The following POM121C variants were observed in gnomAD, a reference collection of about 807,000 sequenced individuals.
POM121C encodes POM121 transmembrane nucleoporin C, also known as nuclear envelope pore membrane protein POM 121C.
POM121C carries 20 observed loss-of-function variants against 66.4 expected under a neutral mutation model. The ratio of observed to expected loss-of-function variants is 0.30; its 90% CI spans 0.21 to 0.44. The LOEUF is 0.44. POM121C is among the 20% of genes least tolerant of loss of function. The pLI is 1.00. For synonymous variants in POM121C, 286 were observed against 528.0 expected (o/e 0.54, Z 6.28); for missense variants, 580 against 1,225.7 (o/e 0.47, Z 7.87).
At chr7:75,446,737 C>T (rs1265227396) in intron 3 of POM121C, among the ~76,000 whole-genome samples, 4 of 151,530 alleles carry the variant, frequency 2.6e-5, no homozygotes, top group East Asian at 3.9e-4. Context: ...TGGCTGGGCG[C>T]GGTGGCTCAC....
intron 3 of POM121C, chr7:75,442,040 ATTCCCTTCGGATT>A: frequency 2.6e-6 from 3 of 1,163,864 alleles, no homozygotes; most frequent in Non-Finnish European, 3.4e-6. Context: ...ACCACACACA[ATTCCCTTCGGATT>A]TGATGAAAAT....
chr7:75,421,336 C>T, intron 13 of POM121C, 173 bp downstream of exon 13: 3 of 1,458,818 alleles, frequency 2.1e-6, no homozygotes, highest in Non-Finnish European at 2.7e-6. Flanking sequence ...ACAATGGCTC[C>T]TCCAGTCATT....
rs1464270374 is a variant in POM121C, at chr7:75,485,716, G to C, written c.-458+148C>G. 6 of 365,418 alleles carry C rather than the reference G, an allele frequency of 1.6e-5. No individual in the cohort carries two copies. The East Asian group carries it at 2.5e-4, about 15-fold the overall frequency. 22.6% of individuals were successfully genotyped at this position (365,418 alleles called of 1,614,324 possible). A position where few individuals can be genotyped will look rare whatever the true frequency, so the allele number is the denominator to read the frequency against. ...AGATCTTCCCATGCAGCACCTGTTC[G>C]GTGCAGCCGGACCCTGCCCTCAAAC... On this transcript the variant is annotated intron_variant, in intron 1 of 14. Coordinates refer to ENST00000615331, the MANE Select transcript of POM121C (RefSeq NM_001099415.3).
chr7:75,438,928 A>G (rs782416640), intron 6 of POM121C, among the ~76,000 whole-genome samples: 8 of 152,380 alleles, frequency 5.3e-5, no homozygotes, highest in Non-Finnish European at 1.0e-4. Context: ...CTCTAGTCTC[A>G]GCATATTTCA....
At chr7:75,439,083 C>T in intron 6 of POM121C, 61 bp downstream of exon 6, 2 of 1,569,886 alleles carry the variant, frequency 1.3e-6, no homozygotes, top group East Asian at 2.2e-5. Context: ...TATAGGGCAA[C>T]AGCTCTGATC....
chr7:75,476,982 G>A (rs1792105441), intron 1 of POM121C, among the ~76,000 whole-genome samples: 1 of 151,532 alleles, frequency 6.6e-6, no homozygotes, highest in African/African-American at 2.4e-5. Context: ...AGAAACTGAT[G>A]GATACTTCAT....
intron 3 of POM121C, among the ~76,000 whole-genome samples, chr7:75,448,394 G>C (rs1410410511): frequency 6.6e-6 from 1 of 150,382 alleles, no homozygotes; most frequent in African/African-American, 2.5e-5. Flanking sequence ...ATATTTATAT[G>C]TGCCTGTTTT....
rs587746604 is a variant in POM121C, at chr7:75,485,931, G to A, written c.-525C>T. On this transcript the variant is annotated 5_prime_UTR_variant, in exon 1 of 15. Coordinates refer to ENST00000615331, the MANE Select transcript of POM121C (RefSeq NM_001099415.3). ...GCCGGGGCGGGCTGCTGTCGCTGGC[G>A]CGCGCGTCTGCTCGCGAGGTCCCCT... The A allele has an allele frequency of 3.7e-4, 184 of 497,054 alleles. 1 individual carries two copies. Among genetic ancestry groups the A allele is most frequent in the African/African-American group, 3.1e-3 (158 of 51,738 alleles). 30.8% of individuals were successfully genotyped at this position (497,054 alleles called of 1,614,324 possible).
At chr7:75,467,820 C>G (rs1282549558) in intron 3 of POM121C, among the ~76,000 whole-genome samples, 1 of 151,866 alleles carries the variant, frequency 6.6e-6, no homozygotes, top group Non-Finnish European at 1.5e-5. Flanking sequence ...AGGAACTGTG[C>G]TAGGGGGTAT....
Position 75,422,002 on chromosome 7 carries a change from G to C in POM121C, c.2250C>G (p.Ser750=). The C allele has an allele frequency of 6.2e-7, 1 of 1,613,886 alleles. No individual in the cohort carries two copies. The highest frequency in any genetic ancestry group is 8.5e-7 in the Non-Finnish European group (1 of 1,179,848). ...PATAPTPAPA[S]TIKIVPAHVP... ...CGTGCGCAGGCACGATCTTGATCGT[G>C]GACGCAGGTGCAGGTGTGGGTGCAG... The change falls in exon 13 of 15, where the codon TCC becomes TCG. Residue 750 remains serine (S), a synonymous_variant. Transcript: ENST00000615331.
At chr7:75,418,927 C>T in intron 14 of POM121C, 34 bp from the exon 15 acceptor site, 1 of 1,561,928 alleles carries the variant, frequency 6.4e-7, no homozygotes, top group South Asian at 1.2e-5. Flanking sequence ...ATCAGGGCAG[C>T]TGCTACCTGA....
intron 7 of POM121C, among the ~76,000 whole-genome samples, chr7:75,430,732 G>T (rs1453267053): frequency 6.6e-6 from 1 of 152,038 alleles, no homozygotes; most frequent in African/African-American, 2.4e-5. Flanking sequence ...CTTGTATCTA[G>T]AATATATAAA....
In POM121C at chr7:75,442,778, G is replaced by GCGTCATCGCGCGCCCGCCA. The variant is rs1204293421; in HGVS notation, c.-151-1150_-151-1132dup. ...CCCAGCGTGCACCGCGCCACGCGTC[G>GCGTCATCGCGCGCCCGCCA]CGTCATCGCGCGCCCGCCACGTCAT... On this transcript the variant is annotated intron_variant, in intron 3 of 14. Transcript: ENST00000615331. 2.5e-5 allele frequency: 32 copies of GCGTCATCGCGCGCCCGCCA among 1,279,996 alleles called. No individual in the cohort carries two copies. In the East Asian group the frequency reaches 9.3e-4, roughly 37 times the overall value. The allele number at this position is 1,279,996 out of a possible 1,614,324, so 79.3% of individuals were successfully genotyped here.
chr7:75,479,968 A>T, intron 1 of POM121C, among the ~76,000 whole-genome samples: 1 of 151,058 alleles, frequency 6.6e-6, no homozygotes, highest in East Asian at 1.9e-4. Context: ...TTAAAAAGAA[A>T]CAAAGAAGAT....
chr7:75,416,840 C>G lies in POM121C; in HGVS notation c.*1956G>C. On this transcript the variant is annotated 3_prime_UTR_variant, in exon 15 of 15. Coordinates refer to ENST00000615331, the MANE Select transcript of POM121C (RefSeq NM_001099415.3). ...TGTCACAAGCAGGAGAAAAATCTCACATTCATACTAAAAATTCCAACTAGA... is the reference window on the plus strand; with the variant it reads ...TGTCACAAGCAGGAGAAAAATCTCAGATTCATACTAAAAATTCCAACTAGA... The G allele has an allele frequency of 6.9e-7, 1 of 1,451,668 alleles. No individual in the cohort carries two copies. The allele number at this position is 1,451,668 out of a possible 1,614,324, so 89.9% of individuals were successfully genotyped here.
intron 3 of POM121C, among the ~76,000 whole-genome samples, chr7:75,468,143 A>G (rs1324429334): frequency 2.3e-5 from 3 of 133,096 alleles, no homozygotes; most frequent in Non-Finnish European, 3.2e-5. Flanking sequence ...AAAAAAAAAA[A>G]AAAAAAAAAG....
At chr7:75,453,976 G>T (rs782627554) in intron 3 of POM121C, among the ~76,000 whole-genome samples, 19,215 of 143,156 alleles carry the variant, frequency 0.13, no homozygotes, top group Middle Eastern at 0.21. Flanking sequence ...TACTTCTAAG[G>T]GCAAGCATTC....
At chr7:75,432,720 AAAG>A (rs1790232502) in intron 7 of POM121C, among the ~76,000 whole-genome samples, 4 of 152,220 alleles carry the variant, frequency 2.6e-5, no homozygotes, top group South Asian at 2.1e-4. Context: ...ATAAAAGAGA[AAAG>A]AAGATGCTTT....
rs376674749 is a variant in POM121C at position 75,441,388 on chromosome 7, G to T, written c.65+44C>A. 17 of 1,588,350 alleles carry T rather than the reference G, an allele frequency of 1.1e-5. No individual in the cohort carries two copies. The African/African-American group carries it at 1.8e-4, about 16-fold the overall frequency. On this transcript the variant is annotated intron_variant, in intron 4 of 14. Transcript: ENST00000615331. ...ACAGGAACAACTGGAGAAGAATAAA[G>T]TGGACACGAAAAGGGAGAGTATTCT... is the stretch of plus-strand genomic sequence containing the variant.
Sources: gnomAD v4.1 joint callset for allele counts (sites outside exome capture counted in the v4.1 genomes callset) on GRCh38, gnomAD v4.1.1 for gene constraint, MANE v1.5 for transcripts, NCBI Gene and HGNC (gene_info 2026-07-23, HGNC 2026-07-21) for gene names.